PSMC5: variants seen among roughly 807,000 people sequenced by gnomAD.
The protein encoded by PSMC5 is proteasome 26S subunit, ATPase 5, also known as 26S proteasome regulatory subunit 8.
In PSMC5, 11 loss-of-function variants were observed where a neutral mutation model predicts 49.1. The ratio of observed to expected loss-of-function variants is 0.22; its 90% CI spans 0.14 to 0.37. The LOEUF is 0.37. Among genes scored for constraint, PSMC5 ranks in the 10% least tolerant of loss-of-function variants. The pLI, the probability that PSMC5 is intolerant of heterozygous loss-of-function variation, is 1.00. For synonymous variants in PSMC5, 206 were observed against 192.2 expected (o/e 1.07, Z -0.59); for missense variants, 229 against 520.9 (o/e 0.44, Z 5.45).
At position 63,830,495 on chromosome 17, in the gene PSMC5, G is replaced by C; in HGVS notation, c.546G>C (p.Gln182His). 1 of 1,613,898 alleles carries C rather than the reference G, an allele frequency of 6.2e-7. No homozygotes were observed. The highest frequency in any genetic ancestry group is 8.5e-7 in the Non-Finnish European group (1 of 1,180,012). ...PELFEALGIAQPKGVLLYGPP... is the reference protein window; with the variant it reads ...PELFEALGIAHPKGVLLYGPP... ...TCTTCGAAGCACTGGGCATTGCTCA[G>C]CCCAAGGTGAGGAGCAGGGCTTCTC... The change falls in exon 6 of 12, where the codon CAG (glutamine) becomes CAC (histidine). Residue 182 changes from glutamine to histidine, a missense_variant. Around this residue, in one of 4 missense-constraint regions of PSMC5, gnomAD observed 121 missense variants for 330.6 expected, o/e 0.37. Coordinates refer to ENST00000310144, the MANE Select transcript of PSMC5 (RefSeq NM_002805.6). The surrounding 1 kb of genome is among the most constrained non-coding windows in gnomAD (Gnocchi z 4.0).
At chr17:63,827,751 C>G in intron 1 of PSMC5, 3 of 1,431,822 alleles carry the variant, frequency 2.1e-6, no homozygotes, top group Non-Finnish European at 2.7e-6. Context: ...AAGCGATGGG[C>G]GCGGGAATGG....
At chr17:63,828,410 C>A in intron 2 of PSMC5, 1 of 535,230 alleles carries the variant, frequency 1.9e-6, no homozygotes, top group Non-Finnish European at 3.3e-6. Flanking sequence ...CTTTGAGGGT[C>A]TTAGTGTTCA....
Position 63,827,440 on chromosome 17 carries a change from C to T in PSMC5, c.-51C>T. On this transcript the variant is annotated 5_prime_UTR_variant, in exon 1 of 12. Transcript: ENST00000310144. ...CAGGTCCCAATCCTCCGCTTCCGCGCTTGCGCGCCAAGACGGCTCGGATGC... is the reference window on the plus strand; with the variant it reads ...CAGGTCCCAATCCTCCGCTTCCGCGTTTGCGCGCCAAGACGGCTCGGATGC... 6.4e-7 allele frequency: 1 copy of T among 1,551,720 alleles called. No individual in the cohort carries two copies. The highest frequency in any genetic ancestry group is 8.7e-7 in the Non-Finnish European group (1 of 1,146,986).
Position 63,830,526 on chromosome 17 carries a change from G to A in PSMC5, c.552+25G>A. On this transcript the variant is annotated intron_variant, in intron 6 of 11. Coordinates refer to ENST00000310144, the MANE Select transcript of PSMC5 (RefSeq NM_002805.6). The surrounding 1 kb of genome is among the most constrained non-coding windows in gnomAD (Gnocchi z 4.0). ...GGTGAGGAGCAGGGCTTCTCTGAGA[G>A]GGCCAAGCTGTACTTACTCCTCCTG... 2 of 1,611,486 alleles carry A rather than the reference G, an allele frequency of 1.2e-6. No homozygotes were observed. Among genetic ancestry groups the A allele is most frequent in the South Asian group, 1.1e-5 (1 of 90,890 alleles).
chr17:63,829,388 T>G, intron 2 of PSMC5, 106 bp from the exon 3 acceptor site: 1 of 975,452 alleles, frequency 1.0e-6, no homozygotes, highest in African/African-American at 1.6e-5. Context: ...GCAGGTGCCC[T>G]GTGCCCTTCC....
At chr17:63,828,587 T>C (rs900218872) in intron 2 of PSMC5, 24 of 199,454 alleles carry the variant, frequency 1.2e-4, no homozygotes, top group African/African-American at 4.0e-4. Context: ...GAAGTGAGAA[T>C]GTGAGGAAGG....
chr17:63,829,663 C>A, intron 3 of PSMC5, 100 bp downstream of exon 3: 1 of 1,315,946 alleles, frequency 7.6e-7, no homozygotes, highest in Non-Finnish European at 1.1e-6. Context: ...ACTGTTTTCT[C>A]CCTGTCATCA....
chr17:63,831,146 G>A lies in PSMC5; in HGVS notation c.790G>A (p.Gly264Arg). ...CTCCTCGCGGCTGGAGGGGGGTTCT[G>A]GAGGGGACAGTGAAGTGCAGCGCAC... ...IGSSRLEGGS[G>R]GDSEVQRTML... The change falls in exon 8 of 12, where the codon GGA becomes AGA. Residue 264 changes from glycine to arginine, a missense_variant. Physicochemically the swap from Gly to Arg is moderately radical, Grantham distance 125 (BLOSUM62 -2). Around this residue, in one of 4 missense-constraint regions of PSMC5, gnomAD observed 121 missense variants for 330.6 expected, o/e 0.37. Transcript: ENST00000310144. The surrounding 1 kb of genome is among the most constrained non-coding windows in gnomAD (Gnocchi z 6.3). 1 of 1,566,820 alleles carries A rather than the reference G, an allele frequency of 6.4e-7. No homozygotes were observed. The highest frequency in any genetic ancestry group is 8.7e-7 in the Non-Finnish European group (1 of 1,155,890).
At chr17:63,827,891 A>G (rs186941288) in intron 1 of PSMC5, 148 of 1,421,104 alleles carry the variant, frequency 1.0e-4, no homozygotes, top group Admixed American at 6.3e-4. Context: ...TCTATATCAT[A>G]TCGCCTCTCG....
rs1209392243 is a variant in PSMC5, at chr17:63,828,951, C to G, written c.97-543C>G. 3 of 154,028 alleles carry G rather than the reference C, an allele frequency of 1.9e-5. No individual in the cohort carries two copies. In the East Asian group the frequency reaches 5.8e-4, roughly 30 times the overall value. 9.5% of individuals were successfully genotyped at this position (154,028 alleles called of 1,614,324 possible). ...TGGGGGAAAGCCACAAAAGACAATT[C>G]TGAATTCCAAGTGCATTTGCAGGTA... On this transcript the variant is annotated intron_variant, in intron 2 of 11. Coordinates refer to ENST00000310144, the MANE Select transcript of PSMC5 (RefSeq NM_002805.6).
In PSMC5 at chr17:63,830,987, G is replaced by GAGCTAATA. The variant is rs758453195; in HGVS notation, c.680-36_680-29dup. 3.1e-6 allele frequency: 5 copies of GAGCTAATA among 1,611,330 alleles called. No individual in the cohort carries two copies. In the African/African-American group the frequency reaches 5.3e-5, roughly 17 times the overall value. On this transcript the variant is annotated intron_variant, in intron 7 of 11. Coordinates refer to ENST00000310144, the MANE Select transcript of PSMC5 (RefSeq NM_002805.6). The surrounding 1 kb of genome is among the most constrained non-coding windows in gnomAD (Gnocchi z 4.0). ...CAAGAGGTAGGGGTAGGGGGTTAGA[G>GAGCTAATA]AGCTAATAAGCTAATAAGCTCCCTA...
rs1465641065 is a variant in PSMC5 at position 63,830,077 on chromosome 17, G to A, written c.265-56G>A. ...GTGGGATTCTCATAGGTCTTCCTGG[G>A]TAGGATTAGTGATTTGGTGGCTGTC... On this transcript the variant is annotated intron_variant, in intron 4 of 11. Coordinates refer to ENST00000310144, the MANE Select transcript of PSMC5 (RefSeq NM_002805.6). This position sits in a 1 kb window ranked among gnomAD's most constrained non-coding sequence, Gnocchi z 4.0. The A allele has an allele frequency of 1.3e-6, 2 of 1,594,394 alleles. No homozygotes were observed. Among genetic ancestry groups the A allele is most frequent in the African/African-American group, 1.3e-5 (1 of 74,442 alleles).
intron 2 of PSMC5, 42 bp downstream of exon 2, chr17:63,828,251 G>A: frequency 6.3e-7 from 1 of 1,590,918 alleles, no homozygotes; most frequent in South Asian, 1.1e-5. Context: ...GGTGATGATG[G>A]GGGATGGAAA....
At position 63,831,136 on chromosome 17, in the gene PSMC5, G is replaced by C. The variant is rs1171232854; in HGVS notation, c.780G>C (p.Glu260Asp). 1 of 1,567,552 alleles carries C rather than the reference G, an allele frequency of 6.4e-7. No homozygotes were observed. The highest frequency in any genetic ancestry group is 8.6e-7 in the Non-Finnish European group (1 of 1,156,238). The change falls in exon 8 of 12, where the codon GAG becomes GAC. Residue 260 changes from glutamate to aspartate, a missense_variant. Around this residue, in one of 4 missense-constraint regions of PSMC5, gnomAD observed 121 missense variants for 330.6 expected, o/e 0.37. Coordinates refer to ENST00000310144, the MANE Select transcript of PSMC5 (RefSeq NM_002805.6). This position sits in a 1 kb window ranked among gnomAD's most constrained non-coding sequence, Gnocchi z 6.3. Reference sequence around the variant, plus strand: ...ACTCCATCGGCTCCTCGCGGCTGGAGGGGGGTTCTGGAGGGGACAGTGAAG... The same window carrying C: ...ACTCCATCGGCTCCTCGCGGCTGGACGGGGGTTCTGGAGGGGACAGTGAAG... ...EIDSIGSSRL[E>D]GGSGGDSEVQ...
At chr17:63,829,749 G>C (rs1186420666) in intron 3 of PSMC5, 103 bp from the exon 4 acceptor site, 5 of 1,361,694 alleles carry the variant, frequency 3.7e-6, no homozygotes, top group African/African-American at 2.9e-5. Flanking sequence ...TTGACCTTTG[G>C]CCTTCCTTTA....
rs1010766858 is a variant in PSMC5, at chr17:63,827,433, T to G, written c.-58T>G. 6.4e-7 allele frequency: 1 copy of G among 1,551,634 alleles called. No homozygotes were observed. On this transcript the variant is annotated 5_prime_UTR_variant, in exon 1 of 12. Transcript: ENST00000310144. ...TGGTCTTCAGGTCCCAATCCTCCGC[T>G]TCCGCGCTTGCGCGCCAAGACGGCT...
At chr17:63,827,717 C>A in intron 1 of PSMC5, 1 of 1,436,876 alleles carries the variant, frequency 7.0e-7, no homozygotes. Context: ...GAGGAAGACG[C>A]GGTAGAAGCG....
chr17:63,831,833 C>G lies in PSMC5; in HGVS notation c.1167+23C>G. 6.2e-7 allele frequency: 1 copy of G among 1,613,832 alleles called. No homozygotes were observed. The highest frequency in any genetic ancestry group is 1.1e-5 in the South Asian group (1 of 91,072). ...AAGGTATAGGCCTCCATCTTTGTGC[C>G]TTTGCCAGTGGTGGCTCTGGGGCAG... On this transcript the variant is annotated intron_variant, in intron 11 of 11. Coordinates refer to ENST00000310144, the MANE Select transcript of PSMC5 (RefSeq NM_002805.6). This position sits in a 1 kb window ranked among gnomAD's most constrained non-coding sequence, Gnocchi z 6.3.
Position 63,830,527 on chromosome 17 carries a change from G to T in PSMC5, c.552+26G>T. On this transcript the variant is annotated intron_variant, in intron 6 of 11. Coordinates refer to ENST00000310144, the MANE Select transcript of PSMC5 (RefSeq NM_002805.6). This position sits in a 1 kb window ranked among gnomAD's most constrained non-coding sequence, Gnocchi z 4.0. Reference sequence around the variant, plus strand: ...GTGAGGAGCAGGGCTTCTCTGAGAGGGCCAAGCTGTACTTACTCCTCCTGC... The same window carrying T: ...GTGAGGAGCAGGGCTTCTCTGAGAGTGCCAAGCTGTACTTACTCCTCCTGC... 2 of 1,611,378 alleles carry T rather than the reference G, an allele frequency of 1.2e-6. No individual in the cohort carries two copies. Among genetic ancestry groups the T allele is most frequent in the Non-Finnish European group, 1.7e-6 (2 of 1,179,176 alleles).
Sources: gnomAD v4.1 joint callset for allele counts on GRCh38, gnomAD v4.1.1 for gene constraint, gnomAD v4.1.1 regional missense constraint, Gnocchi (gnomAD v3.1) non-coding constraint, MANE v1.5 for transcripts, NCBI Gene and HGNC (gene_info 2026-07-23, HGNC 2026-07-21) for gene names.